Variants in ABTB3 observed in about 807,000 individuals in gnomAD.
The protein encoded by ABTB3 is ankyrin repeat and BTB domain containing 3, also known as ankyrin repeat- and BTB/POZ domain-containing protein 3.
At chr12:107,376,033 T>C in the ABTB3 span, among the ~76,000 whole-genome samples, 1 of 152,132 alleles carries the variant, frequency 6.6e-6, no homozygotes, top group Non-Finnish European at 1.5e-5. Context: ...CCAGCAACTC[T>C]CAGCTTCAGC....
At chr12:107,632,074 T>A in the ABTB3 span, among the ~76,000 whole-genome samples, 2 of 152,180 alleles carry the variant, frequency 1.3e-5, no homozygotes, top group African/African-American at 4.8e-5. Flanking sequence ...GAGTACACAC[T>A]GAAGTTAGAA....
chr12:107,657,597 A>G, the ABTB3 span: 1 of 1,614,224 alleles, frequency 6.2e-7, no homozygotes, highest in Non-Finnish European at 8.5e-7. Context: ...GCATTCAAGC[A>G]GCTCCTGTAT....
At chr12:107,319,749 C>G in the ABTB3 span, 1 of 1,510,944 alleles carries the variant, frequency 6.6e-7, no homozygotes, top group South Asian at 1.2e-5. Context: ...GGCTCGGGCT[C>G]CGGCCCAGGC....
At chr12:107,469,855 T>G in the ABTB3 span, among the ~76,000 whole-genome samples, 1 of 146,024 alleles carries the variant, frequency 6.8e-6, no homozygotes, top group Admixed American at 6.7e-5. Flanking sequence ...CTCTTTCTCT[T>G]TCTTTCTTTC....
chr12:107,525,539 G>T, the ABTB3 span, among the ~76,000 whole-genome samples: 1 of 152,130 alleles, frequency 6.6e-6, no homozygotes. Context: ...TACAGCCTAG[G>T]TGTGCAGTAG....
the ABTB3 span, among the ~76,000 whole-genome samples, chr12:107,402,487 C>T: frequency 6.6e-6 from 1 of 152,108 alleles, no homozygotes; most frequent in Non-Finnish European, 1.5e-5. Flanking sequence ...AATGGAGGGC[C>T]CTTGGGATAT....
the ABTB3 span, among the ~76,000 whole-genome samples, chr12:107,418,377 TTGA>T: frequency 1.6e-4 from 24 of 152,302 alleles, no homozygotes; most frequent in African/African-American, 5.5e-4. Flanking sequence ...ATTGTGTGAG[TTGA>T]TACTACTTAA....
the ABTB3 span, among the ~76,000 whole-genome samples, chr12:107,494,661 G>T: frequency 6.6e-6 from 1 of 152,278 alleles, no homozygotes; most frequent in South Asian, 2.1e-4. Flanking sequence ...GGAGCTTTCG[G>T]AGCCTGGGCA....
the ABTB3 span, among the ~76,000 whole-genome samples, chr12:107,567,320 C>T: frequency 6.6e-6 from 1 of 152,254 alleles, no homozygotes; most frequent in Non-Finnish European, 1.5e-5. Context: ...AGTCTCCTCA[C>T]TTCACAGATG....
the ABTB3 span, among the ~76,000 whole-genome samples, chr12:107,576,022 C>T: frequency 6.6e-6 from 1 of 152,212 alleles, no homozygotes; most frequent in Non-Finnish European, 1.5e-5. Flanking sequence ...TCCAATCAGT[C>T]TCTCTCCAAA....
At chr12:107,540,455 C>G in the ABTB3 span, among the ~76,000 whole-genome samples, 1 of 152,158 alleles carries the variant, frequency 6.6e-6, no homozygotes, top group Non-Finnish European at 1.5e-5. Context: ...TGAAAATACT[C>G]TCACAGACAC....
the ABTB3 span, among the ~76,000 whole-genome samples, chr12:107,447,466 C>T: frequency 6.6e-6 from 1 of 152,122 alleles, no homozygotes; most frequent in African/African-American, 2.4e-5. Flanking sequence ...ACCTCCTGTC[C>T]CCCTTCCAGC....
the ABTB3 span, among the ~76,000 whole-genome samples, chr12:107,335,717 A>C: frequency 1.3e-5 from 2 of 152,166 alleles, no homozygotes; most frequent in East Asian, 1.9e-4. Context: ...GGCTTTGACC[A>C]ATGAGACAAG....
the ABTB3 span, among the ~76,000 whole-genome samples, chr12:107,413,187 T>C: frequency 3.9e-5 from 6 of 151,974 alleles, no homozygotes; most frequent in Admixed American, 6.6e-5. Context: ...GGCAGGAGAA[T>C]GGCGTGAACC....
chr12:107,579,648 G>A, the ABTB3 span, among the ~76,000 whole-genome samples: 1 of 152,170 alleles, frequency 6.6e-6, no homozygotes, highest in East Asian at 1.9e-4. Flanking sequence ...TTCTCAAGGG[G>A]GCTGGCTGAC....
the ABTB3 span, among the ~76,000 whole-genome samples, chr12:107,347,829 A>G: frequency 6.6e-6 from 1 of 152,126 alleles, no homozygotes; most frequent in Non-Finnish European, 1.5e-5. Flanking sequence ...TCAATTGTTT[A>G]CTTCTTTGGA....
the ABTB3 span, among the ~76,000 whole-genome samples, chr12:107,389,898 TCTC>T: frequency 1.3e-5 from 2 of 150,874 alleles, no homozygotes; most frequent in Admixed American, 6.6e-5. Context: ...ATCTGTCTGT[TCTC>T]CTTCCCTGAC....
At chr12:107,508,748 A>G in the ABTB3 span, among the ~76,000 whole-genome samples, 2 of 152,106 alleles carry the variant, frequency 1.3e-5, no homozygotes, top group African/African-American at 4.8e-5. Context: ...GTGCCCAGCC[A>G]AGATCATTAC....
chr12:107,627,176 G>A, the ABTB3 span, among the ~76,000 whole-genome samples: 1 of 152,178 alleles, frequency 6.6e-6, no homozygotes, highest in Non-Finnish European at 1.5e-5. Context: ...CCAGGGACAA[G>A]TTTGTGTGTA....
Sources: allele counts gnomAD v4.1 joint callset (sites outside exome capture counted in the v4.1 genomes callset), GRCh38; gene constraint gnomAD v4.1.1; transcripts MANE v1.5; gene names NCBI Gene and HGNC (gene_info 2026-07-23, HGNC 2026-07-21).